WWOX: variants seen among roughly 807,000 people sequenced by gnomAD.
The protein encoded by WWOX is WW domain containing oxidoreductase.
A neutral mutation model predicts 46.2 loss-of-function variants in WWOX; 69 were observed. That is an observed-to-expected ratio of 1.49 (90% CI 1.23 to 1.82). The LOEUF is 1.82. Among genes scored for constraint, WWOX ranks in the 40% most tolerant of loss-of-function variants. The pLI is 0.00. For synonymous variants in WWOX, 359 were observed against 202.6 expected (o/e 1.77, Z -6.56); for missense variants, 919 against 542.6 (o/e 1.69, Z -6.89).
chr16:78,119,341 C>T (rs2032975524), intron 4 of WWOX, among the ~76,000 whole-genome samples: 4 of 152,170 alleles, frequency 2.6e-5, no homozygotes. Context: ...GTCCCTGCTT[C>T]GTTTTTAGAC....
intron 8 of WWOX, among the ~76,000 whole-genome samples, chr16:78,614,314 A>G (rs1226563436): frequency 6.6e-6 from 1 of 152,248 alleles, no homozygotes; most frequent in Admixed American, 6.5e-5. Context: ...ATCAAGTAGA[A>G]TAACATGGTT....
intron 8 of WWOX, among the ~76,000 whole-genome samples, chr16:79,170,710 G>C (rs2050683821): frequency 6.6e-6 from 1 of 152,074 alleles, no homozygotes; most frequent in South Asian, 2.1e-4. Flanking sequence ...GATGTTGCAA[G>C]CTCAATTCAT....
intron 8 of WWOX, among the ~76,000 whole-genome samples, chr16:79,054,103 T>C (rs1471266771): frequency 1.3e-5 from 2 of 152,172 alleles, no homozygotes; most frequent in African/African-American, 4.8e-5. Flanking sequence ...CAGCACTGGC[T>C]GTATAAGATC....
chr16:78,551,768 G>C (rs145529207), intron 8 of WWOX: 1 of 151,620 alleles, frequency 6.6e-6, no homozygotes, highest in Non-Finnish European at 1.5e-5. Flanking sequence ...CATCAGCTTT[G>C]TTTGTCCTCT....
intron 8 of WWOX, among the ~76,000 whole-genome samples, chr16:79,046,300 A>G (rs2150520771): frequency 1.3e-5 from 2 of 152,260 alleles, no homozygotes; most frequent in East Asian, 1.9e-4. Flanking sequence ...GGGATATAGT[A>G]GCACCAGCAC....
chr16:78,220,602 G>A (rs1054891568), intron 5 of WWOX, among the ~76,000 whole-genome samples: 2 of 152,100 alleles, frequency 1.3e-5, no homozygotes, highest in Non-Finnish European at 2.9e-5. Flanking sequence ...CATAGCTAGC[G>A]AAAATTGAAC....
At chr16:78,562,229 C>G (rs376145175) in intron 8 of WWOX, among the ~76,000 whole-genome samples, 1 of 152,176 alleles carries the variant, frequency 6.6e-6, no homozygotes, top group African/African-American at 2.4e-5. Context: ...GAAATAAGAG[C>G]CTCGCGAGGT....
rs749594682 is a variant in WWOX, at chr16:78,720,447, C to T, written c.1056+287695C>T. On this transcript the variant is annotated intron_variant, in intron 8 of 8. Transcript: ENST00000566780. The stretch of plus-strand genomic sequence containing the variant: ...ACATCATTTTATATTTTGAAATTCC[C>T]AATTTGCAATGTTATTTTTTTTTCT... Among the ~76,000 whole-genome samples, 13 of 149,504 alleles carry T rather than the reference C, an allele frequency of 8.7e-5. 1 individual carries two copies. Among genetic ancestry groups the T allele is most frequent in the Admixed American group, 6.7e-4 (10 of 14,866 alleles).
chr16:78,908,976 C>T lies in WWOX; in HGVS notation c.1057-302632C>T, dbSNP rs141734981. On this transcript the variant is annotated intron_variant, in intron 8 of 8. Transcript: ENST00000566780. ...TCTTGTGGCTAATTTGTTAGTCCTG[C>T]AAAGGCAGTCTAGTCCCCAGGCAGG... is the stretch of plus-strand genomic sequence containing the variant. Among the ~76,000 whole-genome samples, 119 of 152,286 alleles carry T rather than the reference C, an allele frequency of 7.8e-4. 3 individuals carry two copies. In the East Asian group the frequency reaches 0.015, roughly 19 times the overall value.
chr16:78,471,431 G>A (rs532737449), intron 8 of WWOX, among the ~76,000 whole-genome samples: 3 of 152,180 alleles, frequency 2.0e-5, no homozygotes, highest in Non-Finnish European at 4.4e-5. Context: ...ACAGTCCTGT[G>A]CAGTGTTTCT....
At chr16:78,443,523 G>T (rs1204928801) in intron 8 of WWOX, among the ~76,000 whole-genome samples, 2 of 152,120 alleles carry the variant, frequency 1.3e-5, no homozygotes, top group Admixed American at 6.5e-5. Flanking sequence ...CTGCCTTTGT[G>T]AGGCTGGAGC....
intron 8 of WWOX, among the ~76,000 whole-genome samples, chr16:79,085,562 T>A (rs957091090): frequency 6.6e-6 from 1 of 152,192 alleles, no homozygotes; most frequent in Non-Finnish European, 1.5e-5. Flanking sequence ...TGCAACTTTC[T>A]CAATAGGTTG....
intron 4 of WWOX, among the ~76,000 whole-genome samples, chr16:78,131,760 A>G (rs1401142367): frequency 6.7e-6 from 1 of 148,804 alleles, no homozygotes; most frequent in Non-Finnish European, 1.5e-5. Context: ...TTTTTTTTGT[A>G]TTTTTAGTAG....
At chr16:78,787,865 G>T (rs543743554) in intron 8 of WWOX, among the ~76,000 whole-genome samples, 2 of 152,044 alleles carry the variant, frequency 1.3e-5, no homozygotes, top group Admixed American at 6.5e-5. Flanking sequence ...AAATTGTATC[G>T]TGGTTTTGAT....
chr16:78,299,210 C>G (rs7184669), intron 5 of WWOX, among the ~76,000 whole-genome samples: 21,055 of 152,092 alleles, frequency 0.14, 1,624 homozygotes, highest in East Asian at 0.26. Flanking sequence ...GAAGTGGAGG[C>G]TATTACTCAG....
rs373598132 is a variant in WWOX at position 78,499,528 on chromosome 16, T to C, written c.1056+66776T>C. 2.0e-5 allele frequency among the ~76,000 whole-genome samples: 3 copies of C among 152,240 alleles called. No individual in the cohort carries two copies. The East Asian group carries it at 5.8e-4, about 29-fold the overall frequency. On this transcript the variant is annotated intron_variant, in intron 8 of 8. Coordinates refer to ENST00000566780, the MANE Select transcript of WWOX (RefSeq NM_016373.4). The stretch of plus-strand genomic sequence containing the variant: ...ACTAGCAGCGACTGCAGATTACTCA[T>C]CAGCTGTCTCCTTGAGTCCACAATG...
At chr16:78,771,707 G>C (rs572058218) in intron 8 of WWOX, among the ~76,000 whole-genome samples, 1 of 152,192 alleles carries the variant, frequency 6.6e-6, no homozygotes, top group South Asian at 2.1e-4. Flanking sequence ...AGGAGGTGGA[G>C]GTTGCAGTGA....
chr16:78,787,224 T>A (rs1460717442), intron 8 of WWOX, among the ~76,000 whole-genome samples: 1 of 152,164 alleles, frequency 6.6e-6, no homozygotes, highest in Admixed American at 6.5e-5. Flanking sequence ...TCAGTGACTT[T>A]TAATACGTTC....
intron 8 of WWOX, among the ~76,000 whole-genome samples, chr16:78,625,625 G>T (rs1691470546): frequency 6.6e-6 from 1 of 151,682 alleles, no homozygotes; most frequent in African/African-American, 2.4e-5. Flanking sequence ...GAAATATTAG[G>T]TTGTGCAAAA....
Sources: gnomAD v4.1 joint callset for allele counts (sites outside exome capture counted in the v4.1 genomes callset) on GRCh38, gnomAD v4.1.1 for gene constraint, MANE v1.5 for transcripts, NCBI Gene and HGNC (gene_info 2026-07-23, HGNC 2026-07-21) for gene names.